FUT8: variants seen among roughly 807,000 people sequenced by gnomAD.
FUT8 encodes the protein fucosyltransferase 8.
A neutral mutation model predicts 71.3 loss-of-function variants in FUT8; 29 were observed. The observed-to-expected ratio is 0.41, with a 90% CI of 0.30 to 0.55. FUT8 has a LOEUF of 0.55. FUT8 is among the 20% of genes least tolerant of loss of function. The probability of loss-of-function intolerance (pLI) is 0.34; values close to 1 mark genes in which losing one functional copy is unlikely to be tolerated. For missense variants in FUT8, 544 were observed against 702.1 expected (o/e 0.77, Z 2.55); for synonymous variants, 254 against 239.3 (o/e 1.06, Z -0.57).
intron 3 of FUT8, among the ~76,000 whole-genome samples, chr14:65,580,380 TTATA>T (rs1433645840): frequency 6.6e-6 from 1 of 151,614 alleles, no homozygotes; most frequent in African/African-American, 2.4e-5. Flanking sequence ...GGGCCTACTG[TTATA>T]TATGCGGTCC....
chr14:65,389,276 G>A, the FUT8 span, among the ~76,000 whole-genome samples: 2 of 151,532 alleles, frequency 1.3e-5, no homozygotes, highest in African/African-American at 2.4e-5. Context: ...GTGTGTGATC[G>A]TGGCTTCCTG....
the FUT8 span, among the ~76,000 whole-genome samples, chr14:65,367,630 A>G: frequency 2.0e-5 from 3 of 152,192 alleles, no homozygotes; most frequent in African/African-American, 7.2e-5. Flanking sequence ...AAAGAAGGTA[A>G]TCCAGAAACC....
At chr14:65,392,503 G>A in the FUT8 span, among the ~76,000 whole-genome samples, 23 of 152,142 alleles carry the variant, frequency 1.5e-4, 1 homozygote, top group Admixed American at 1.5e-3. Context: ...GCTGTTGCCG[G>A]TTTTGACTTC....
chr14:65,600,970 A>G (rs926264496), intron 3 of FUT8, among the ~76,000 whole-genome samples: 3 of 152,130 alleles, frequency 2.0e-5, no homozygotes, highest in African/African-American at 7.2e-5. Flanking sequence ...ACACTTGTCA[A>G]AGTAAATATG....
chr14:65,451,018 C>T (rs1039837754), intron 1 of FUT8, among the ~76,000 whole-genome samples: 16 of 151,948 alleles, frequency 1.1e-4, no homozygotes, highest in South Asian at 1.0e-3. Flanking sequence ...CACCGCACCC[C>T]GCTAATTTTT....
intron 1 of FUT8, among the ~76,000 whole-genome samples, chr14:65,418,472 A>T (rs2065249904): frequency 1.3e-5 from 2 of 152,246 alleles, no homozygotes; most frequent in Admixed American, 1.3e-4. Flanking sequence ...TTGTAATGTT[A>T]TTTAATGACT....
the FUT8 span, among the ~76,000 whole-genome samples, chr14:65,395,034 G>A: frequency 1.3e-5 from 2 of 152,128 alleles, no homozygotes; most frequent in Non-Finnish European, 2.9e-5. Flanking sequence ...GAGCCACCAC[G>A]CCCAGCTACA....
At chr14:65,541,230 C>T (rs550425393) in intron 2 of FUT8, among the ~76,000 whole-genome samples, 6 of 152,148 alleles carry the variant, frequency 3.9e-5, no homozygotes, top group South Asian at 2.1e-4. Context: ...TATAAAGATG[C>T]GTAATTGTCA....
rs1555359420 is a variant in FUT8, at chr14:65,421,747, CT to C, written c.-326+8546del. Among the ~76,000 whole-genome samples the C allele has an allele frequency of 1.4e-3, 114 of 79,214 alleles. 2 individuals carry two copies. The highest frequency in any genetic ancestry group is 5.2e-3 in the Admixed American group (36 of 6,860). 52.0% of individuals were successfully genotyped at this position (79,214 alleles called of 152,430 possible). A position where few individuals can be genotyped will look rare whatever the true frequency, so the allele number is the denominator to read the frequency against. ...TTGAAACCCTTTAACCCACCCCCCC[CT>C]TTTTTTTTTTTTGCCATATCCACAG... On this transcript the variant is annotated intron_variant, in intron 1 of 10. Transcript: ENST00000673929.
intron 5 of FUT8, among the ~76,000 whole-genome samples, chr14:65,619,657 A>T (rs1889496508): frequency 6.6e-6 from 1 of 152,148 alleles, no homozygotes; most frequent in African/African-American, 2.4e-5. Flanking sequence ...CTGTTTTAAG[A>T]ATTTAGAGGT....
At chr14:65,368,211 G>A in the FUT8 span, among the ~76,000 whole-genome samples, 1 of 150,436 alleles carries the variant, frequency 6.6e-6, no homozygotes, top group African/African-American at 2.4e-5. Context: ...GTGCCACCAC[G>A]CCCGGCTAAT....
the FUT8 span, among the ~76,000 whole-genome samples, chr14:65,380,698 T>C: frequency 6.6e-6 from 1 of 152,196 alleles, no homozygotes; most frequent in Non-Finnish European, 1.5e-5. Flanking sequence ...AGGCTGGTCA[T>C]GTTTCTTGCC....
intron 2 of FUT8, among the ~76,000 whole-genome samples, chr14:65,519,735 T>C (rs541598557): frequency 6.6e-6 from 1 of 152,320 alleles, no homozygotes; most frequent in Non-Finnish European, 1.5e-5. Flanking sequence ...GAGTTCACTT[T>C]GATACTCAAC....
intron 7 of FUT8, among the ~76,000 whole-genome samples, chr14:65,688,759 A>G (rs1277037545): frequency 6.6e-6 from 1 of 152,174 alleles, no homozygotes; most frequent in Non-Finnish European, 1.5e-5. Flanking sequence ...TGGCAAAACT[A>G]TGTTTAGCTT....
intron 1 of FUT8, among the ~76,000 whole-genome samples, chr14:65,435,275 T>C (rs1207248461): frequency 1.3e-5 from 2 of 152,226 alleles, no homozygotes; most frequent in Admixed American, 6.5e-5. Flanking sequence ...TTGTATTTTT[T>C]TTACTATAAT....
At chr14:65,555,919 T>C (rs1365705979) in intron 2 of FUT8, among the ~76,000 whole-genome samples, 1 of 152,172 alleles carries the variant, frequency 6.6e-6, no homozygotes, top group East Asian at 1.9e-4. Context: ...AAATCTCTTA[T>C]TTGCTGTAAA....
In FUT8 at chr14:65,439,954, G is replaced by GTGTGTATATATA; in HGVS notation, c.-325-15666_-325-15665insGTGTATATATAT. On this transcript the variant is annotated intron_variant, in intron 1 of 10. Transcript: ENST00000673929. ...ATAAAGAAAATGTGTGTGTGTGTGT[G>GTGTGTATATATA]TATATATATATATATATATATATAT... 9.1e-3 allele frequency among the ~76,000 whole-genome samples: 683 copies of GTGTGTATATATA among 74,788 alleles called. 13 individuals are homozygous for GTGTGTATATATA. The highest frequency in any genetic ancestry group is 0.032 in the East Asian group (52 of 1,620). The allele number at this position is 74,788 out of a possible 152,430, so 49.1% of individuals were successfully genotyped here.
chr14:65,730,773 C>T (rs1895942029), intron 9 of FUT8, among the ~76,000 whole-genome samples: 1 of 152,300 alleles, frequency 6.6e-6, no homozygotes, highest in East Asian at 1.9e-4. Context: ...TTCAGTATTA[C>T]AGTGTTTGAA....
chr14:65,571,435 C>A (rs886829998), intron 3 of FUT8, among the ~76,000 whole-genome samples: 1 of 152,090 alleles, frequency 6.6e-6, no homozygotes, highest in African/African-American at 2.4e-5. Context: ...CCATAGTTTC[C>A]CTAAACACTG....
Sources: gnomAD v4.1 joint callset for allele counts (sites outside exome capture counted in the v4.1 genomes callset) on GRCh38, gnomAD v4.1.1 for gene constraint, MANE v1.5 for transcripts, NCBI Gene and HGNC (gene_info 2026-07-23, HGNC 2026-07-21) for gene names.